WDR25: variants seen among roughly 807,000 people sequenced by gnomAD.
WDR25 encodes WD repeat-containing protein 25.
In WDR25, 35 loss-of-function variants were observed where a neutral mutation model predicts 47.7. That is an observed-to-expected ratio of 0.73 (90% CI 0.56 to 0.97). The LOEUF is 0.97. WDR25 is among the 50% of genes least tolerant of loss of function. The probability of loss-of-function intolerance (pLI) is 0.00; values close to 1 mark genes in which losing one functional copy is unlikely to be tolerated. For missense variants in WDR25, 634 were observed against 704.7 expected (o/e 0.90, Z 1.14); for synonymous variants, 248 against 278.9 (o/e 0.89, Z 1.10).
chr14:100,448,193 CAAAA>C (rs111428141), intron 2 of WDR25, among the ~76,000 whole-genome samples: 1 of 110,274 alleles, frequency 9.1e-6, no homozygotes, highest in Non-Finnish European at 1.8e-5. Flanking sequence ...AACTCCGTCT[CAAAA>C]AAAAAAAAAA....
Position 100,502,576 on chromosome 14 carries a change from G to A in WDR25, c.1101+18452G>A, listed in dbSNP as rs78826037. On this transcript the variant is annotated intron_variant, in intron 4 of 6. Coordinates refer to ENST00000402312, the MANE Select transcript of WDR25 (RefSeq NM_001161476.3). This position sits in a 1 kb window ranked among gnomAD's most constrained non-coding sequence, Gnocchi z 4.5. ...GTGTCCTGGAGCTGCTCACTTTAGA[G>A]TTCTTCATTAGGGGTCCTATAGACA... 4.6e-5 allele frequency among the ~76,000 whole-genome samples: 7 copies of A among 152,362 alleles called. No homozygotes were observed. Among genetic ancestry groups the A allele is most frequent in the African/African-American group, 1.7e-4 (7 of 41,584 alleles).
intron 4 of WDR25, among the ~76,000 whole-genome samples, chr14:100,494,032 C>T (rs999733888): frequency 3.3e-5 from 5 of 152,234 alleles, no homozygotes; most frequent in African/African-American, 1.2e-4. Context: ...ATCCATGCTA[C>T]TAAACTCATA....
rs73347380 is a variant in WDR25, at chr14:100,428,308, G to A, written c.823-39713G>A. Among the ~76,000 whole-genome samples the A allele has an allele frequency of 3.4e-3, 525 of 152,290 alleles. 5 individuals carry two copies. Among genetic ancestry groups the A allele is most frequent in the African/African-American group, 0.012 (485 of 41,568 alleles). ...CCTGGGAGGCAGGTGGCCCTGTGGG[G>A]TGACTGAGCTGGGCGTTGTCCTTTC... On this transcript the variant is annotated intron_variant, in intron 2 of 6. Coordinates refer to ENST00000402312, the MANE Select transcript of WDR25 (RefSeq NM_001161476.3). The surrounding 1 kb of genome is among the most constrained non-coding windows in gnomAD (Gnocchi z 4.3).
rs530108622 is a variant in WDR25, at chr14:100,408,479, G to T, written c.822+26733G>T. Reference sequence around the variant, plus strand: ...AGGCCATGTTCTCTAGGGATGGTCTGCAGCCCTCAGTGCTGTCTCTTTTCC... The same window carrying T: ...AGGCCATGTTCTCTAGGGATGGTCTTCAGCCCTCAGTGCTGTCTCTTTTCC... On this transcript the variant is annotated intron_variant, in intron 2 of 6. Transcript: ENST00000402312. 2.6e-5 allele frequency among the ~76,000 whole-genome samples: 4 copies of T among 152,286 alleles called. No homozygotes were observed. The South Asian group carries it at 8.3e-4, about 32-fold the overall frequency.
At position 100,499,244 on chromosome 14, in the gene WDR25, C is replaced by G. The variant is rs1224657097; in HGVS notation, c.1101+15120C>G. On this transcript the variant is annotated intron_variant, in intron 4 of 6. Transcript: ENST00000402312. The surrounding 1 kb of genome is among the most constrained non-coding windows in gnomAD (Gnocchi z 4.4). ...ACATTTTTATATAATTGTCTTTCAG[C>G]TTATTATAATATCATTAGAATTTCC... Among the ~76,000 whole-genome samples, 5 of 152,112 alleles carry G rather than the reference C, an allele frequency of 3.3e-5. No homozygotes were observed. Among genetic ancestry groups the G allele is most frequent in the African/African-American group, 1.2e-4 (5 of 41,410 alleles).
chr14:100,450,282 T>C (rs1045197473), intron 2 of WDR25, among the ~76,000 whole-genome samples: 3 of 152,202 alleles, frequency 2.0e-5, no homozygotes, highest in African/African-American at 7.2e-5. Flanking sequence ...TGTGTGACTA[T>C]GCCTTGCTCA....
chr14:100,518,666 A>G (rs1040943270), intron 4 of WDR25, among the ~76,000 whole-genome samples: 5 of 152,062 alleles, frequency 3.3e-5, no homozygotes, highest in African/African-American at 9.7e-5. Context: ...CAAGGCGGGC[A>G]GATTGTCTGA....
chr14:100,455,896 A>G (rs1899188906), intron 2 of WDR25, among the ~76,000 whole-genome samples: 1 of 152,184 alleles, frequency 6.6e-6, no homozygotes, highest in Non-Finnish European at 1.5e-5. Context: ...TCACTCTCCT[A>G]AATATTCCTA....
chr14:100,499,425 T>C lies in WDR25; in HGVS notation c.1101+15301T>C, dbSNP rs1186323555. 6.6e-6 allele frequency among the ~76,000 whole-genome samples: 1 copy of C among 152,236 alleles called. No homozygotes were observed. Among genetic ancestry groups the C allele is most frequent in the African/African-American group, 2.4e-5 (1 of 41,454 alleles). ...TAAGGCAAACTTCTCTGCACAATAA[T>C]TCTTAAACGCAGAATTAGTCGAAAG... On this transcript the variant is annotated intron_variant, in intron 4 of 6. Transcript: ENST00000402312. The surrounding 1 kb of genome is among the most constrained non-coding windows in gnomAD (Gnocchi z 4.4).
At chr14:100,456,947 G>GTCTCT (rs1555391909) in intron 2 of WDR25, among the ~76,000 whole-genome samples, 1 of 152,020 alleles carries the variant, frequency 6.6e-6, no homozygotes, top group Non-Finnish European at 1.5e-5. Flanking sequence ...TTATAATGAA[G>GTCTCT]TTTCTTTTCT....
rs931539042 is a variant in WDR25, at chr14:100,428,893, C to G, written c.823-39128C>G. On this transcript the variant is annotated intron_variant, in intron 2 of 6. Transcript: ENST00000402312. This position sits in a 1 kb window ranked among gnomAD's most constrained non-coding sequence, Gnocchi z 4.3. ...AGCAATATCACTCAAGCTCCTCTTG[C>G]GTCTTTGGCACCAGAGGCGTCATCC... Among the ~76,000 whole-genome samples the G allele has an allele frequency of 1.3e-5, 2 of 152,098 alleles. No individual in the cohort carries two copies. The highest frequency in any genetic ancestry group is 4.8e-5 in the African/African-American group (2 of 41,408).
At chr14:100,460,204 CT>C (rs1478930739) in intron 2 of WDR25, among the ~76,000 whole-genome samples, 1 of 151,078 alleles carries the variant, frequency 6.6e-6, no homozygotes, top group Non-Finnish European at 1.5e-5. Context: ...GCTCCACCTC[CT>C]GGGTTCATGC....
intron 2 of WDR25, among the ~76,000 whole-genome samples, chr14:100,426,120 C>T (rs1213739293): frequency 2.0e-5 from 3 of 152,204 alleles, no homozygotes. Flanking sequence ...TTAATTTTTT[C>T]TGGCCCACTA....
In WDR25 at chr14:100,506,376, G is replaced by A. The variant is rs548064183; in HGVS notation, c.1102-19494G>A. The stretch of plus-strand genomic sequence containing the variant: ...TTGTGAATAGTGCTGTGATGAACAC[G>A]TGAGTGCATGTGTCTCTTTGGTAGA... On this transcript the variant is annotated intron_variant, in intron 4 of 6. Transcript: ENST00000402312. The surrounding 1 kb of genome is among the most constrained non-coding windows in gnomAD (Gnocchi z 4.8). Among the ~76,000 whole-genome samples, 11 of 152,196 alleles carry A rather than the reference G, an allele frequency of 7.2e-5. No individual in the cohort carries two copies. Among genetic ancestry groups the A allele is most frequent in the Non-Finnish European group, 1.5e-4 (10 of 67,984 alleles).
At chr14:100,519,159 T>G (rs1566946265) in intron 4 of WDR25, among the ~76,000 whole-genome samples, 4 of 152,080 alleles carry the variant, frequency 2.6e-5, no homozygotes. Context: ...AATTTTGACT[T>G]CCTTTCCCAA....
At chr14:100,519,652 C>CTA (rs1053905983) in intron 4 of WDR25, among the ~76,000 whole-genome samples, 25 of 144,884 alleles carry the variant, frequency 1.7e-4, no homozygotes, top group Admixed American at 5.6e-4. Context: ...TATATGTAGT[C>CTA]TATATATATA....
chr14:100,501,793 G>A (rs1320481350), intron 4 of WDR25, among the ~76,000 whole-genome samples: 3 of 152,200 alleles, frequency 2.0e-5, no homozygotes, highest in Admixed American at 2.0e-4. Flanking sequence ...CCTGATGGAT[G>A]GAGAACTTGA....
intron 4 of WDR25, among the ~76,000 whole-genome samples, chr14:100,496,259 T>C (rs2140339742): frequency 6.6e-6 from 1 of 152,362 alleles, no homozygotes; most frequent in South Asian, 2.1e-4. Context: ...AAAGAATTGG[T>C]TCATTTTATC....
At chr14:100,455,438 A>G (rs371078920) in intron 2 of WDR25, 1 of 152,154 alleles carries the variant, frequency 6.6e-6, no homozygotes, top group Non-Finnish European at 1.5e-5. Flanking sequence ...TATACAAGTA[A>G]TTGAGCTCCA....
Sources: allele counts gnomAD v4.1 joint callset (sites outside exome capture counted in the v4.1 genomes callset), GRCh38; gene constraint gnomAD v4.1.1; non-coding constraint Gnocchi (gnomAD v3.1); transcripts MANE v1.5; gene names NCBI Gene and HGNC (gene_info 2026-07-23, HGNC 2026-07-21).